LDAH: variants seen among roughly 807,000 people sequenced by gnomAD.
LDAH encodes the protein lipid droplet associated hydrolase.
LDAH carries 26 observed loss-of-function variants against 29.6 expected under a neutral mutation model. The observed-to-expected ratio is 0.88, with a 90% CI of 0.64 to 1.22. LDAH has a LOEUF of 1.22. LDAH is among the 50% of genes most tolerant of loss of function. LDAH has a pLI of 0.00. For synonymous variants in LDAH, 117 were observed against 133.0 expected, an observed-to-expected ratio of 0.88 and a Z score of 0.83; for missense variants, 344 against 387.3, an observed-to-expected ratio of 0.89 and a Z score of 0.94.
chr2:20,693,299 A>G (rs989672890), intron 6 of LDAH, among the ~76,000 whole-genome samples: 13 of 152,246 alleles, frequency 8.5e-5, no homozygotes, highest in African/African-American at 3.1e-4. Flanking sequence ...TGCCCTGCTC[A>G]AGGAAAAAGA....
At chr2:20,809,152 G>A (rs1410096308) in intron 1 of LDAH, among the ~76,000 whole-genome samples, 3 of 151,734 alleles carry the variant, frequency 2.0e-5, no homozygotes, top group Non-Finnish European at 4.4e-5. Context: ...AGCACTTTAG[G>A]AGGCCGAGGC....
chr2:20,763,731 G>A (rs1386450680), intron 4 of LDAH, among the ~76,000 whole-genome samples: 5 of 152,070 alleles, frequency 3.3e-5, no homozygotes, highest in Non-Finnish European at 7.4e-5. Context: ...GAGAGGATGG[G>A]GGAACTTTTC....
intron 3 of LDAH, among the ~76,000 whole-genome samples, chr2:20,786,256 C>G (rs538062152): frequency 6.6e-6 from 1 of 152,262 alleles, no homozygotes; most frequent in South Asian, 2.1e-4. Flanking sequence ...GTGGCACTAT[C>G]TCGGCTCACT....
chr2:20,794,629 C>T (rs1026605613), intron 2 of LDAH, among the ~76,000 whole-genome samples: 1 of 151,934 alleles, frequency 6.6e-6, no homozygotes, highest in Non-Finnish European at 1.5e-5. Flanking sequence ...ATTAACCAAC[C>T]GTAAAAGAAA....
rs1034082604 is a variant in LDAH, at chr2:20,684,646, C to T, written c.*2257G>A. 7 of 402,900 alleles carry T rather than the reference C, an allele frequency of 1.7e-5. No homozygotes were observed. Among genetic ancestry groups the T allele is most frequent in the African/African-American group, 1.4e-4 (7 of 48,556 alleles). The allele number at this position is 402,900 out of a possible 1,614,324, so 25.0% of individuals were successfully genotyped here. On this transcript the variant is annotated 3_prime_UTR_variant, in exon 7 of 7. Transcript: ENST00000237822. ...CGTATGGTGAGAGGCCCTTGGTGGC[C>T]ATGGACATCAGGCCACACAAGCCAC...
chr2:20,747,046 T>C (rs665775), intron 4 of LDAH, among the ~76,000 whole-genome samples: 89,083 of 151,788 alleles, frequency 0.59, 27,690 homozygotes, highest in South Asian at 0.8. Flanking sequence ...AATCATTTTT[T>C]AGAAAAGGAG....
chr2:20,746,718 A>C (rs994786597), intron 4 of LDAH, among the ~76,000 whole-genome samples: 2 of 152,136 alleles, frequency 1.3e-5, no homozygotes, highest in Non-Finnish European at 2.9e-5. Flanking sequence ...AGTATGCCTA[A>C]TTTGATAACA....
intron 1 of LDAH, among the ~76,000 whole-genome samples, chr2:20,822,551 TTC>T (rs2125189195): frequency 6.6e-6 from 1 of 152,284 alleles, no homozygotes; most frequent in South Asian, 2.1e-4. Context: ...CCAATCTGCA[TTC>T]TGTCTTGCGT....
chr2:20,819,107 A>G (rs1205461417), intron 1 of LDAH, among the ~76,000 whole-genome samples: 6 of 152,182 alleles, frequency 3.9e-5, no homozygotes, highest in Non-Finnish European at 7.4e-5. Flanking sequence ...GAAACCACAC[A>G]CTACACTCAA....
chr2:20,774,960 A>T lies in LDAH; in HGVS notation c.318T>A (p.Ile106=). 1 of 1,595,314 alleles carries T rather than the reference A, an allele frequency of 6.3e-7. No homozygotes were observed. Among genetic ancestry groups the T allele is most frequent in the Non-Finnish European group, 8.6e-7 (1 of 1,166,500 alleles). ...GTCCATTTAGTCCATAAATGTCCTT[A>T]ATTTCTTGAGCGTTTGAATCTAAAA... ...TTSEDSNAQE[I]KDIYGLNGQI... Residue 106 remains isoleucine, a synonymous_variant, in exon 4 of 7, where the codon ATT becomes ATA. Transcript: ENST00000237822.
chr2:20,769,176 A>G (rs538824139), intron 4 of LDAH, among the ~76,000 whole-genome samples: 4 of 152,240 alleles, frequency 2.6e-5, no homozygotes, highest in Non-Finnish European at 2.9e-5. Flanking sequence ...AGTACCCCCT[A>G]GCCACCATAT....
intron 5 of LDAH, among the ~76,000 whole-genome samples, chr2:20,720,324 A>G (rs2149396401): frequency 6.6e-6 from 1 of 152,168 alleles, no homozygotes; most frequent in East Asian, 1.9e-4. Context: ...ACAGTGATCA[A>G]TCTGAAAAAG....
chr2:20,738,253 A>AAAT (rs3047714), intron 5 of LDAH, among the ~76,000 whole-genome samples: 5,860 of 141,582 alleles, frequency 0.041, 184 homozygotes, highest in African/African-American at 0.088. Flanking sequence ...TTCCATCTCA[A>AAAT]AATAATAATA....
chr2:20,708,017 C>T (rs886342714), intron 5 of LDAH, among the ~76,000 whole-genome samples: 3 of 152,142 alleles, frequency 2.0e-5, no homozygotes, highest in African/African-American at 7.2e-5. Context: ...GTCACTGTCC[C>T]CCATCACCCT....
intron 6 of LDAH, among the ~76,000 whole-genome samples, chr2:20,694,114 T>C (rs1428541183): frequency 1.3e-5 from 2 of 152,172 alleles, no homozygotes; most frequent in African/African-American, 4.8e-5. Flanking sequence ...TACCAAGGGA[T>C]CAAATTAGTA....
chr2:20,703,845 G>A (rs1020999612), intron 5 of LDAH, among the ~76,000 whole-genome samples: 1 of 152,164 alleles, frequency 6.6e-6, no homozygotes, highest in Non-Finnish European at 1.5e-5. Context: ...AGATGACTGA[G>A]CACCTACTTA....
chr2:20,784,655 C>T (rs930807039), intron 3 of LDAH, among the ~76,000 whole-genome samples: 6 of 151,960 alleles, frequency 3.9e-5, no homozygotes, highest in South Asian at 2.1e-4. Context: ...GAAGCTGAGG[C>T]GGGCAGATCG....
At chr2:20,805,256 T>C (rs1048838596) in intron 1 of LDAH, among the ~76,000 whole-genome samples, 1 of 152,158 alleles carries the variant, frequency 6.6e-6, no homozygotes, top group Non-Finnish European at 1.5e-5. Flanking sequence ...AGTACAACTC[T>C]AACACCTCAA....
chr2:20,804,620 C>A (rs879753836), intron 1 of LDAH, among the ~76,000 whole-genome samples: 2 of 152,114 alleles, frequency 1.3e-5, no homozygotes, highest in Non-Finnish European at 2.9e-5. Flanking sequence ...TCTTTTCTAA[C>A]ATTTCTAAAA....
Sources: gnomAD v4.1 joint callset for allele counts (sites outside exome capture counted in the v4.1 genomes callset) on GRCh38, gnomAD v4.1.1 for gene constraint, MANE v1.5 for transcripts, NCBI Gene and HGNC (gene_info 2026-07-23, HGNC 2026-07-21) for gene names.